The following OSBPL6 variants were observed in gnomAD, a reference collection of about 807,000 sequenced individuals.
OSBPL6 encodes the protein oxysterol-binding protein-related protein 6.
In OSBPL6, 49 loss-of-function variants were observed where a neutral mutation model predicts 125.8. The observed-to-expected ratio is 0.39, with a 90% CI of 0.31 to 0.49. OSBPL6 has a LOEUF of 0.49. Among genes scored for constraint, OSBPL6 ranks in the 20% least tolerant of loss-of-function variants. OSBPL6 has a pLI of 0.88. For synonymous variants in OSBPL6, 394 were observed against 391.8 expected (o/e 1.01, Z -0.07); for missense variants, 986 against 1,135.4 (o/e 0.87, Z 1.89).
At chr2:178,310,412 CTTTTTT>C (rs71023440) in intron 3 of OSBPL6, among the ~76,000 whole-genome samples, 4 of 85,714 alleles carry the variant, frequency 4.7e-5, no homozygotes, top group African/African-American at 1.4e-4. Flanking sequence ...AAACTGAACT[CTTTTTT>C]TTTTTTTTTT....
chr2:178,349,109 G>A (rs1690996155), intron 11 of OSBPL6, 115 bp from the exon 12 acceptor site: 1 of 1,102,062 alleles, frequency 9.1e-7, no homozygotes, highest in Admixed American at 1.8e-5. Context: ...GTGTCTCCAA[G>A]TGTGTTATCA....
chr2:178,307,607 T>C (rs185076619), intron 3 of OSBPL6, among the ~76,000 whole-genome samples: 1 of 152,156 alleles, frequency 6.6e-6, no homozygotes, highest in African/African-American at 2.4e-5. Flanking sequence ...ATGGAAGCAC[T>C]TTTATATTAA....
chr2:178,239,365 G>T (rs532583170), intron 1 of OSBPL6, among the ~76,000 whole-genome samples: 19 of 151,992 alleles, frequency 1.3e-4, no homozygotes, highest in Non-Finnish European at 2.5e-4. Flanking sequence ...TCAAGACCAA[G>T]CCTGGGCAAT....
intron 1 of OSBPL6, among the ~76,000 whole-genome samples, chr2:178,277,925 T>A (rs1283042486): frequency 4.6e-5 from 7 of 152,196 alleles, no homozygotes; most frequent in African/African-American, 1.7e-4. Context: ...TCGCTCCTGT[T>A]CTTTACAGCC....
intron 2 of OSBPL6, among the ~76,000 whole-genome samples, chr2:178,296,867 G>A (rs1431282867): frequency 1.3e-5 from 2 of 152,160 alleles, no homozygotes; most frequent in Admixed American, 6.5e-5. Context: ...ACTCATGCTC[G>A]AATGCCCAAC....
chr2:178,398,382 A>G lies in OSBPL6; in HGVS notation c.*2823A>G, dbSNP rs1695975693. On this transcript the variant is annotated 3_prime_UTR_variant, in exon 25 of 25. Coordinates refer to ENST00000190611, the MANE Select transcript of OSBPL6 (RefSeq NM_032523.4). Reference sequence around the variant, plus strand: ...CTGCTTCATCTCATTGGAGATGGTCATTGAGGAGAGCAGTAATAAGTGACG... The same window carrying G: ...CTGCTTCATCTCATTGGAGATGGTCGTTGAGGAGAGCAGTAATAAGTGACG... 6.6e-6 allele frequency: 1 copy of G among 152,188 alleles called. No homozygotes were observed. The highest frequency in any genetic ancestry group is 1.5e-5 in the Non-Finnish European group (1 of 68,038). The allele number at this position is 152,188 out of a possible 1,614,324, so 9.4% of individuals were successfully genotyped here. A position where few individuals can be genotyped will look rare whatever the true frequency, so the allele number is the denominator to read the frequency against.
At chr2:178,239,149 A>G (rs142615173) in intron 1 of OSBPL6, among the ~76,000 whole-genome samples, 41 of 152,334 alleles carry the variant, frequency 2.7e-4, no homozygotes, top group African/African-American at 8.9e-4. Context: ...TTGGCTGTAT[A>G]CTACATCAGT....
At chr2:178,386,840 T>G (rs369755443) in intron 19 of OSBPL6, among the ~76,000 whole-genome samples, 2 of 58,274 alleles carry the variant, frequency 3.4e-5, no homozygotes. Context: ...ATAGTGGGGG[T>G]TTTTTTTAGT....
At chr2:178,327,258 T>G (rs968474707) in intron 4 of OSBPL6, among the ~76,000 whole-genome samples, 7 of 152,234 alleles carry the variant, frequency 4.6e-5, no homozygotes, top group African/African-American at 1.7e-4. Context: ...TCTGCACTTA[T>G]TAAATGTTTC....
Position 178,398,674 on chromosome 2 carries a change from A to G in OSBPL6, c.*3115A>G, listed in dbSNP as rs1244023715. On this transcript the variant is annotated 3_prime_UTR_variant, in exon 25 of 25. Coordinates refer to ENST00000190611, the MANE Select transcript of OSBPL6 (RefSeq NM_032523.4). Reference sequence around the variant, plus strand: ...TGGTACATATCAACTATATGTGGGGAAAAAATGCAATTTTCTGGGCAAGAG... The same window carrying G: ...TGGTACATATCAACTATATGTGGGGGAAAAATGCAATTTTCTGGGCAAGAG... The G allele has an allele frequency of 1.3e-5, 2 of 152,158 alleles. No individual in the cohort carries two copies. Among genetic ancestry groups the G allele is most frequent in the Non-Finnish European group, 2.9e-5 (2 of 68,024 alleles). 9.4% of individuals were successfully genotyped at this position (152,158 alleles called of 1,614,324 possible). A position where few individuals can be genotyped will look rare whatever the true frequency, so the allele number is the denominator to read the frequency against.
At chr2:178,217,118 T>G (rs918176191) in intron 1 of OSBPL6, among the ~76,000 whole-genome samples, 2 of 152,200 alleles carry the variant, frequency 1.3e-5, no homozygotes, top group Non-Finnish European at 2.9e-5. Context: ...AAATACATAC[T>G]GGAATATACA....
intron 1 of OSBPL6, among the ~76,000 whole-genome samples, chr2:178,268,542 T>G (rs1057259331): frequency 6.6e-6 from 1 of 152,208 alleles, no homozygotes; most frequent in African/African-American, 2.4e-5. Context: ...ACTTCTTCAG[T>G]CCATACTCCC....
At chr2:178,330,466 C>T (rs1167580277) in intron 5 of OSBPL6, among the ~76,000 whole-genome samples, 1 of 152,176 alleles carries the variant, frequency 6.6e-6, no homozygotes, top group African/African-American at 2.4e-5. Flanking sequence ...AAGTTAAGGG[C>T]AACTGATTTT....
In OSBPL6 at chr2:178,225,003, T is replaced by TTCTCTC. The variant is rs10679680; in HGVS notation, c.-351+30347_-351+30352dup. Reference sequence around the variant, plus strand: ...TCTCTCTCTGCTTCTCTCTCTCTCTTTCTCTCTCTCTCTCTCTCTCTCTGA... The same window carrying TTCTCTC: ...TCTCTCTCTGCTTCTCTCTCTCTCTTTCTCTCTCTCTCTCTCTCTCTCTCTCTCTGA... On this transcript the variant is annotated intron_variant, in intron 1 of 24. Transcript: ENST00000190611. 6.3e-3 allele frequency among the ~76,000 whole-genome samples: 943 copies of TTCTCTC among 148,528 alleles called. 8 individuals carry two copies. The highest frequency in any genetic ancestry group is 0.035 in the Middle Eastern group (10 of 288).
chr2:178,230,861 T>G (rs2090786589), intron 1 of OSBPL6, among the ~76,000 whole-genome samples: 1 of 152,154 alleles, frequency 6.6e-6, no homozygotes. Flanking sequence ...GTTAACAAAT[T>G]TCTGTCATGG....
chr2:178,336,569 C>A lies in OSBPL6; in HGVS notation c.790+136C>A, dbSNP rs1689705545. The A allele has an allele frequency of 4.0e-6, 4 of 1,007,634 alleles. No individual in the cohort carries two copies. In the East Asian group the frequency reaches 7.5e-5, roughly 19 times the overall value. The allele number at this position is 1,007,634 out of a possible 1,614,324, so 62.4% of individuals were successfully genotyped here. The stretch of plus-strand genomic sequence containing the variant: ...CTTGACCTTTCCTTGCTCTTTCTCC[C>A]CCTTGTTCTTATTTTTATGCACCAG... On this transcript the variant is annotated intron_variant, in intron 9 of 24. Coordinates refer to ENST00000190611, the MANE Select transcript of OSBPL6 (RefSeq NM_032523.4).
At chr2:178,356,910 A>G (rs1453404969) in intron 12 of OSBPL6, among the ~76,000 whole-genome samples, 1 of 152,224 alleles carries the variant, frequency 6.6e-6, no homozygotes, top group Non-Finnish European at 1.5e-5. Context: ...AATGGAACAG[A>G]ACAGAGGCCT....
chr2:178,264,803 A>AT (rs1029614951), intron 1 of OSBPL6, among the ~76,000 whole-genome samples: 55 of 152,252 alleles, frequency 3.6e-4, no homozygotes, highest in African/African-American at 1.3e-3. Flanking sequence ...TTTTGTACTA[A>AT]TTGTTATCTT....
At chr2:178,377,573 A>G (rs1223957045) in intron 15 of OSBPL6, among the ~76,000 whole-genome samples, 2 of 152,144 alleles carry the variant, frequency 1.3e-5, no homozygotes, top group Non-Finnish European at 2.9e-5. Flanking sequence ...TGGTGAGTTG[A>G]CTATACATGT....
Sources: gnomAD v4.1 joint callset for allele counts (sites outside exome capture counted in the v4.1 genomes callset) on GRCh38, gnomAD v4.1.1 for gene constraint, MANE v1.5 for transcripts, NCBI Gene and HGNC (gene_info 2026-07-23, HGNC 2026-07-21) for gene names.